RCAN1: variants seen among roughly 807,000 people sequenced by gnomAD.
RCAN1 encodes the protein regulator of calcineurin 1, also known as calcipressin-1.
In RCAN1, 11 loss-of-function variants were observed where a neutral mutation model predicts 22.9. That is an observed-to-expected ratio of 0.48 (90% confidence interval 0.30 to 0.79). The LOEUF (loss-of-function observed/expected upper bound fraction) is 0.79. Ranked by LOEUF, RCAN1 falls within the 30% of genes least tolerant of loss-of-function variation. The probability of loss-of-function intolerance (pLI) is 0.06; values close to 1 mark genes in which losing one functional copy is unlikely to be tolerated. For synonymous variants in RCAN1, 136 were observed against 142.3 expected (o/e 0.96, Z 0.32); for missense variants, 291 against 337.8 (o/e 0.86, Z 1.09).
chr21:34,566,856 G>C (rs904895501), intron 1 of RCAN1, among the ~76,000 whole-genome samples: 2 of 152,066 alleles, frequency 1.3e-5, no homozygotes, highest in Admixed American at 6.5e-5. Flanking sequence ...GAGGTGCCAG[G>C]CTCCTTTAAC....
chr21:34,576,495 G>A (rs1362062283), intron 1 of RCAN1, among the ~76,000 whole-genome samples: 2 of 152,182 alleles, frequency 1.3e-5, no homozygotes, highest in African/African-American at 4.8e-5. Context: ...CAGGCTTGAT[G>A]GTATTTTTCC....
chr21:34,611,381 T>C (rs554993457), intron 1 of RCAN1, among the ~76,000 whole-genome samples: 1 of 152,378 alleles, frequency 6.6e-6, no homozygotes, highest in South Asian at 2.1e-4. Context: ...AAACTCATTA[T>C]ACAGTATTTA....
Position 34,518,193 on chromosome 21 carries a change from T to C in RCAN1, c.650A>G (p.Glu217Gly), listed in dbSNP as rs1402968229. Residue 217 changes from glutamate to glycine, a missense_variant, in exon 4 of 4, where the codon GAG becomes GGG. Glu to Gly is a moderately conservative substitution (Grantham distance 98). Transcript: ENST00000313806. The surrounding 1 kb of genome is among the most constrained non-coding windows in gnomAD (Gnocchi z 4.2). ...TTCTTCCTCCTTCTCTTGATCACTC[T>C]CACATACATGGACCACCACGCTGGG... is the stretch of plus-strand genomic sequence containing the variant. The part of the protein sequence containing the change: ...TTPSVVVHVC[E>G]SDQEKEEEEE... 1 of 1,614,220 alleles carries C rather than the reference T, an allele frequency of 6.2e-7. No homozygotes were observed. Among genetic ancestry groups the C allele is most frequent in the South Asian group, 1.1e-5 (1 of 91,090 alleles).
At chr21:34,611,190 T>A (rs1988678249) in intron 1 of RCAN1, among the ~76,000 whole-genome samples, 1 of 152,170 alleles carries the variant, frequency 6.6e-6, no homozygotes, top group African/African-American at 2.4e-5. Flanking sequence ...GCACATGTAA[T>A]TACTGGTTCA....
At chr21:34,545,804 A>T (rs1240705537) in intron 1 of RCAN1, among the ~76,000 whole-genome samples, 1 of 152,240 alleles carries the variant, frequency 6.6e-6, no homozygotes, top group African/African-American at 2.4e-5. Flanking sequence ...CTGGGAGGAT[A>T]GCGGTGCCAC....
intron 1 of RCAN1, among the ~76,000 whole-genome samples, chr21:34,563,792 T>TAGAGAGAGAG (rs1400313535): frequency 2.2e-3 from 167 of 74,700 alleles, no homozygotes; most frequent in Non-Finnish European, 3.2e-3. Flanking sequence ...TATATATATA[T>TAGAGAGAGAG]ATAGAGAGAG....
At chr21:34,560,212 T>C (rs996123953) in intron 1 of RCAN1, 10 of 152,042 alleles carry the variant, frequency 6.6e-5, no homozygotes, top group Non-Finnish European at 1.0e-4. Flanking sequence ...TCTGACGGGG[T>C]TGCCGGTACA....
Position 34,558,890 on chromosome 21 carries a change from G to A in RCAN1, c.253-35180C>T, listed in dbSNP as rs375143455. On this transcript the variant is annotated intron_variant, in intron 1 of 3. Transcript: ENST00000313806. ...TCAGGGAATCCAAAAGGATGTGACC[G>A]GAAAGAACACAATCATGGATAATCT... Among the ~76,000 whole-genome samples, 19 of 152,274 alleles carry A rather than the reference G, an allele frequency of 1.2e-4. No homozygotes were observed. In the East Asian group the frequency reaches 1.5e-3, roughly 12 times the overall value.
chr21:34,530,616 G>GTTGTTTTTTTTTTTTT (rs1985325221), intron 1 of RCAN1, among the ~76,000 whole-genome samples: 1 of 66,196 alleles, frequency 1.5e-5, no homozygotes, highest in African/African-American at 5.4e-5. Flanking sequence ...TAGTGAAATA[G>GTTGTTTTTTTTTTTTT]TTTTTTTTTT....
intron 1 of RCAN1, among the ~76,000 whole-genome samples, chr21:34,553,280 G>A (rs912045301): frequency 6.6e-6 from 1 of 152,150 alleles, no homozygotes; most frequent in African/African-American, 2.4e-5. Context: ...GTAGGGACGA[G>A]CAAGCAACTA....
chr21:34,567,487 G>A (rs1043404940), intron 1 of RCAN1, among the ~76,000 whole-genome samples: 4 of 151,374 alleles, frequency 2.6e-5, no homozygotes, highest in Non-Finnish European at 5.9e-5. Flanking sequence ...CCCAGGAGGC[G>A]GAGGTTGCAG....
intron 1 of RCAN1, chr21:34,525,336 C>G (rs1303818439): frequency 6.6e-7 from 1 of 1,509,714 alleles, no homozygotes; most frequent in Non-Finnish European, 8.9e-7. Flanking sequence ...AGTTTAGGGA[C>G]ATTTCTGAGA....
intron 1 of RCAN1, among the ~76,000 whole-genome samples, chr21:34,570,382 G>A (rs1424938260): frequency 6.6e-6 from 1 of 152,192 alleles, no homozygotes; most frequent in Non-Finnish European, 1.5e-5. Context: ...TATAGCTTTC[G>A]TTACTTACCA....
chr21:34,593,518 T>G (rs933230884), intron 1 of RCAN1, among the ~76,000 whole-genome samples: 54 of 152,258 alleles, frequency 3.5e-4, no homozygotes, highest in African/African-American at 1.2e-3. Context: ...CTAGCACACC[T>G]GCCACCTTTT....
At chr21:34,569,939 G>C (rs138246380) in intron 1 of RCAN1, among the ~76,000 whole-genome samples, 1 of 152,218 alleles carries the variant, frequency 6.6e-6, no homozygotes, top group Admixed American at 6.5e-5. Flanking sequence ...AAGGGGCTTC[G>C]GGTGGGGTTT....
Position 34,518,537 on chromosome 21 carries a change from T to C in RCAN1, c.587-281A>G, listed in dbSNP as rs573566078. ...TGCATTTTTCTAGTTATACTTCACA[T>C]GTCCACCAGATATCTAAACTACCCA... On this transcript the variant is annotated intron_variant, in intron 3 of 3. Transcript: ENST00000313806. The surrounding 1 kb of genome is among the most constrained non-coding windows in gnomAD (Gnocchi z 4.2). Among the ~76,000 whole-genome samples, 9 of 152,382 alleles carry C rather than the reference T, an allele frequency of 5.9e-5. No individual in the cohort carries two copies. The South Asian group carries it at 1.9e-3, about 32-fold the overall frequency.
At chr21:34,573,292 G>C (rs1258310625) in intron 1 of RCAN1, among the ~76,000 whole-genome samples, 1 of 152,168 alleles carries the variant, frequency 6.6e-6, no homozygotes, top group South Asian at 2.1e-4. Flanking sequence ...GGGGCAGGGA[G>C]ACACAGACAG....
chr21:34,526,808 C>G (rs367714786), intron 1 of RCAN1: 1,264 of 1,564,626 alleles, frequency 8.1e-4, no homozygotes, highest in Non-Finnish European at 1.0e-3. Context: ...TAGTGAGATT[C>G]CTTTCCAAGA....
At chr21:34,606,749 C>T (rs749308080) in intron 1 of RCAN1, among the ~76,000 whole-genome samples, 3 of 152,150 alleles carry the variant, frequency 2.0e-5, no homozygotes, top group African/African-American at 2.4e-5. Flanking sequence ...TTGCTCCTCT[C>T]TCCACACACT....
Sources: gnomAD v4.1 joint callset for allele counts (sites outside exome capture counted in the v4.1 genomes callset) on GRCh38, gnomAD v4.1.1 for gene constraint, Gnocchi (gnomAD v3.1) non-coding constraint, MANE v1.5 for transcripts, NCBI Gene and HGNC (gene_info 2026-07-23, HGNC 2026-07-21) for gene names.